Variants in POMK observed in about 807,000 individuals in gnomAD.
The protein encoded by POMK is protein O-mannose kinase, also known as Sugen kinase 196.
Under a neutral mutation model 23.0 loss-of-function variants are expected in POMK, and 19 were observed. The ratio of observed to expected loss-of-function variants is 0.83; its 90% CI spans 0.58 to 1.21. The LOEUF (loss-of-function observed/expected upper bound fraction) is 1.21. Among genes scored for constraint, POMK ranks in the 50% most tolerant of loss-of-function variants. POMK has a pLI of 0.00. For synonymous variants in POMK, 173 were observed against 171.6 expected (o/e 1.01, Z -0.06); for missense variants, 410 against 431.3 (o/e 0.95, Z 0.44).
rs750786573 is a variant in POMK, at chr8:43,119,722, C to T, written c.283-2385C>T. 5.9e-5 allele frequency among the ~76,000 whole-genome samples: 9 copies of T among 152,038 alleles called. No individual in the cohort carries two copies. The South Asian group carries it at 6.2e-4, about 11-fold the overall frequency. On this transcript the variant is annotated intron_variant, in intron 4 of 4. Coordinates refer to ENST00000331373, the MANE Select transcript of POMK (RefSeq NM_032237.5). ...CTGGGATTACAGGCGTGAGCCACCG[C>T]GTCCGGCCCAAAAACAGCTTTTTAA...
At chr8:43,096,460 A>G (rs1440102020) in intron 1 of POMK, among the ~76,000 whole-genome samples, 1 of 151,998 alleles carries the variant, frequency 6.6e-6, no homozygotes, top group African/African-American at 2.4e-5. Context: ...CAGGAGATTG[A>G]GACCATCTGG....
intron 3 of POMK, among the ~76,000 whole-genome samples, chr8:43,103,139 C>G (rs570819341): frequency 1.3e-5 from 2 of 152,306 alleles, no homozygotes; most frequent in African/African-American, 2.4e-5. Flanking sequence ...CACCTGCTAC[C>G]CTAAGCAGCC....
At chr8:43,119,457 T>TG (rs1554524091) in intron 4 of POMK, among the ~76,000 whole-genome samples, 1 of 145,506 alleles carries the variant, frequency 6.9e-6, no homozygotes, top group Admixed American at 6.8e-5. Context: ...TTTTTTTTTT[T>TG]GAGACGAAGT....
intron 4 of POMK, among the ~76,000 whole-genome samples, chr8:43,113,390 C>T (rs1427662837): frequency 6.6e-6 from 1 of 152,174 alleles, no homozygotes; most frequent in Admixed American, 6.5e-5. Context: ...CCCTTTCTTC[C>T]AGTTGATTGC....
chr8:43,116,359 A>G (rs1373526540), intron 4 of POMK, among the ~76,000 whole-genome samples: 2 of 152,292 alleles, frequency 1.3e-5, no homozygotes, highest in East Asian at 3.9e-4. Flanking sequence ...TGCAACCTCA[A>G]ACTCCAGTGA....
Position 43,097,892 on chromosome 8 carries a change from C to T in POMK, c.-118+277C>T, listed in dbSNP as rs1200561830. On this transcript the variant is annotated intron_variant, in intron 2 of 4. Coordinates refer to ENST00000331373, the MANE Select transcript of POMK (RefSeq NM_032237.5). Reference sequence around the variant, plus strand: ...GTGGACATCCCATACCTTGATAGGCCAGTGAGCAAAGCATAGGAGAGACCT... The same window carrying T: ...GTGGACATCCCATACCTTGATAGGCTAGTGAGCAAAGCATAGGAGAGACCT... 2.6e-5 allele frequency among the ~76,000 whole-genome samples: 4 copies of T among 152,018 alleles called. No homozygotes were observed. In the East Asian group the frequency reaches 7.7e-4, roughly 29 times the overall value.
intron 1 of POMK, among the ~76,000 whole-genome samples, chr8:43,095,879 G>T (rs187112952): frequency 2.6e-5 from 4 of 152,330 alleles, no homozygotes; most frequent in African/African-American, 9.6e-5. Context: ...GGGTTGGAGG[G>T]TTGAAAGGAT....
intron 1 of POMK, among the ~76,000 whole-genome samples, chr8:43,095,203 T>G (rs1337612087): frequency 6.6e-6 from 1 of 152,142 alleles, no homozygotes; most frequent in Non-Finnish European, 1.5e-5. Context: ...GGCTCTTCTG[T>G]GTATAGTTCA....
At chr8:43,103,943 C>G in intron 4 of POMK, 113 bp downstream of exon 4, 1 of 1,065,378 alleles carries the variant, frequency 9.4e-7, no homozygotes, top group Non-Finnish European at 1.4e-6. Context: ...TTGTTACTGC[C>G]AAAGTGTACT....
intron 1 of POMK, among the ~76,000 whole-genome samples, chr8:43,095,751 A>G (rs1190904625): frequency 6.6e-6 from 1 of 152,180 alleles, no homozygotes; most frequent in Non-Finnish European, 1.5e-5. Context: ...TTACATTCAT[A>G]ACTATTCTTC....
chr8:43,116,052 C>A (rs1293006305), intron 4 of POMK, among the ~76,000 whole-genome samples: 1 of 152,234 alleles, frequency 6.6e-6, no homozygotes, highest in Admixed American at 6.5e-5. Flanking sequence ...GTCCTTCAAC[C>A]CCGTTTAAAA....
intron 4 of POMK, among the ~76,000 whole-genome samples, chr8:43,116,793 T>C (rs1811807680): frequency 6.6e-6 from 1 of 152,220 alleles, no homozygotes. Flanking sequence ...TTCTTCAAGA[T>C]AGGTAGATTT....
At chr8:43,099,565 A>G (rs1811397289) in intron 2 of POMK, among the ~76,000 whole-genome samples, 1 of 152,222 alleles carries the variant, frequency 6.6e-6, no homozygotes, top group Non-Finnish European at 1.5e-5. Flanking sequence ...GTTATCAATC[A>G]CGGTAGATGC....
chr8:43,121,561 G>A (rs928537555), intron 4 of POMK, among the ~76,000 whole-genome samples: 3 of 152,166 alleles, frequency 2.0e-5, no homozygotes, highest in Non-Finnish European at 4.4e-5. Context: ...AAATTAATGA[G>A]TAACATTGTT....
intron 4 of POMK, among the ~76,000 whole-genome samples, chr8:43,113,476 A>G (rs1002962986): frequency 6.6e-6 from 1 of 152,136 alleles, no homozygotes; most frequent in East Asian, 1.9e-4. Context: ...TCCTTTAAGC[A>G]CTTCTCTGTA....
intron 4 of POMK, among the ~76,000 whole-genome samples, chr8:43,111,472 C>G (rs1431393738): frequency 1.3e-5 from 2 of 152,228 alleles, no homozygotes; most frequent in Admixed American, 6.5e-5. Context: ...GCCTGCCTGC[C>G]CCTATAGGCT....
chr8:43,095,438 A>G (rs1811315143), intron 1 of POMK, among the ~76,000 whole-genome samples: 1 of 152,178 alleles, frequency 6.6e-6, no homozygotes. Flanking sequence ...GATATATAAA[A>G]GGTTTTTGGG....
At chr8:43,100,040 A>T (rs1586670015) in intron 2 of POMK, among the ~76,000 whole-genome samples, 1 of 152,126 alleles carries the variant, frequency 6.6e-6, no homozygotes, top group Non-Finnish European at 1.5e-5. Flanking sequence ...CATCAGAGGG[A>T]CAGAGAGTCA....
chr8:43,109,002 C>G (rs905752522), intron 4 of POMK, among the ~76,000 whole-genome samples: 9 of 152,102 alleles, frequency 5.9e-5, no homozygotes, highest in Non-Finnish European at 1.2e-4. Context: ...TGAATATAAC[C>G]CAAAGAAAGT....
Sources: gnomAD v4.1 joint callset for allele counts (sites outside exome capture counted in the v4.1 genomes callset) on GRCh38, gnomAD v4.1.1 for gene constraint, MANE v1.5 for transcripts, NCBI Gene and HGNC (gene_info 2026-07-23, HGNC 2026-07-21) for gene names.